Variants in AKAP13 observed in about 807,000 individuals in gnomAD.
AKAP13 encodes A-kinase anchoring protein 13, also known as A-kinase anchor protein 13.
A neutral mutation model predicts 264.5 loss-of-function variants in AKAP13; 80 were observed. The observed-to-expected ratio is 0.30, with a 90% confidence interval of 0.25 to 0.36. The LOEUF is 0.36. Among genes scored for constraint, AKAP13 ranks in the 10% least tolerant of loss-of-function variants. AKAP13 has a pLI of 1.00. For missense variants in AKAP13, 3,712 were observed against 3,435.2 expected, an observed-to-expected ratio of 1.08 and a Z score of -2.01; for synonymous variants, 1,380 against 1,250.2, an observed-to-expected ratio of 1.10 and a Z score of -2.19.
chr15:85,738,876 G>A (rs2088749623), intron 33 of AKAP13, among the ~76,000 whole-genome samples: 1 of 149,674 alleles, frequency 6.7e-6, no homozygotes, highest in Non-Finnish European at 1.5e-5. Flanking sequence ...AAAGTTTGGT[G>A]TTTATATTTC....
intron 14 of AKAP13, among the ~76,000 whole-genome samples, chr15:85,672,570 G>A (rs1280350911): frequency 1.3e-5 from 2 of 152,130 alleles, no homozygotes; most frequent in Non-Finnish European, 2.9e-5. Context: ...CTCCCTAACT[G>A]AAATAGTGTC....
chr15:85,393,170 A>G (rs1021816273), intron 1 of AKAP13, among the ~76,000 whole-genome samples: 2 of 152,220 alleles, frequency 1.3e-5, no homozygotes, highest in East Asian at 3.8e-4. Flanking sequence ...TTTACCTTTA[A>G]CAAGCTGGAA....
chr15:85,464,200 C>T (rs1435496097), intron 1 of AKAP13, among the ~76,000 whole-genome samples: 1 of 152,146 alleles, frequency 6.6e-6, no homozygotes, highest in African/African-American at 2.4e-5. Context: ...ACTGAAATAT[C>T]TCCCTTCCCT....
At chr15:85,634,840 CT>C (rs34893286) in intron 8 of AKAP13, among the ~76,000 whole-genome samples, 20,874 of 142,666 alleles carry the variant, frequency 0.15, 2,388 homozygotes, top group East Asian at 0.36. Flanking sequence ...TTGAGTCTGG[CT>C]TTTTTTTTTT....
At chr15:85,734,248 C>A (rs2088271791) in intron 30 of AKAP13, among the ~76,000 whole-genome samples, 1 of 152,210 alleles carries the variant, frequency 6.6e-6, no homozygotes, top group African/African-American at 2.4e-5. Context: ...CCATCACTCC[C>A]TGTTCTTAAC....
chr15:85,501,061 G>A (rs56725751), intron 2 of AKAP13, among the ~76,000 whole-genome samples: 24,250 of 152,056 alleles, frequency 0.16, 3,008 homozygotes, highest in African/African-American at 0.33. Context: ...GTCATCTTCC[G>A]GAATTTGTTA....
intron 5 of AKAP13, among the ~76,000 whole-genome samples, chr15:85,569,402 T>A (rs994943170): frequency 6.6e-6 from 1 of 151,534 alleles, no homozygotes; most frequent in Admixed American, 6.6e-5. Context: ...GGATGGCAAA[T>A]AAGAATACAT....
chr15:85,708,225 C>CT lies in AKAP13; in HGVS notation c.5532+140dup. 2.8e-6 allele frequency: 2 copies of CT among 710,866 alleles called. No individual in the cohort carries two copies. Among genetic ancestry groups the CT allele is most frequent in the Non-Finnish European group, 2.2e-6 (1 of 448,106 alleles). 44.0% of individuals were successfully genotyped at this position (710,866 alleles called of 1,614,324 possible). A position where few individuals can be genotyped will look rare whatever the true frequency, so the allele number is the denominator to read the frequency against. The stretch of plus-strand genomic sequence containing the variant: ...TACCAACTTTGAGAACAAATTATAA[C>CT]TAAAAAATATTTTTTCTCTTAAGCG... On this transcript the variant is annotated intron_variant, in intron 18 of 36. Coordinates refer to ENST00000394518, the MANE Select transcript of AKAP13 (RefSeq NM_007200.5). This position sits in a 1 kb window ranked among gnomAD's most constrained non-coding sequence, Gnocchi z 4.3.
intron 10 of AKAP13, chr15:85,651,491 T>C (rs1241889175): frequency 3.3e-5 from 5 of 152,202 alleles, no homozygotes; most frequent in African/African-American, 1.2e-4. Flanking sequence ...TGTACAATCT[T>C]GAGGGTACCA....
At chr15:85,686,169 G>A (rs12913771) in intron 16 of AKAP13, among the ~76,000 whole-genome samples, 3 of 119,742 alleles carry the variant, frequency 2.5e-5, no homozygotes, top group Middle Eastern at 7.9e-3. Context: ...GTGTGTGTAT[G>A]TGTGTGTGTG....
chr15:85,683,747 G>A (rs538749318), intron 15 of AKAP13: 5 of 152,284 alleles, frequency 3.3e-5, no homozygotes, highest in Middle Eastern at 3.1e-3. Context: ...GGGATTACAG[G>A]TGTGAGCACC....
intron 6 of AKAP13, among the ~76,000 whole-genome samples, chr15:85,578,163 G>T (rs944366195): frequency 3.3e-5 from 5 of 152,112 alleles, no homozygotes; most frequent in African/African-American, 1.2e-4. Flanking sequence ...CACACCTGTA[G>T]TCCTAGCTAC....
intron 13 of AKAP13, among the ~76,000 whole-genome samples, chr15:85,668,812 G>C (rs1007675773): frequency 1.3e-5 from 2 of 152,038 alleles, no homozygotes; most frequent in African/African-American, 4.8e-5. Flanking sequence ...GCGTGGTGGT[G>C]CACCCCTGTA....
At chr15:85,510,119 G>A (rs1324620097) in intron 2 of AKAP13, among the ~76,000 whole-genome samples, 1 of 152,190 alleles carries the variant, frequency 6.6e-6, no homozygotes, top group South Asian at 2.1e-4. Context: ...TGATACAGCT[G>A]CAATTGTTAC....
chr15:85,696,705 A>T (rs1425230712), intron 17 of AKAP13, among the ~76,000 whole-genome samples: 1 of 152,236 alleles, frequency 6.6e-6, no homozygotes, highest in Non-Finnish European at 1.5e-5. Context: ...AATGCTAAAT[A>T]AAATCTATTT....
At chr15:85,561,621 G>A (rs951901106) in intron 5 of AKAP13, among the ~76,000 whole-genome samples, 4 of 152,016 alleles carry the variant, frequency 2.6e-5, no homozygotes, top group Admixed American at 6.5e-5. Context: ...ATTAGATATC[G>A]ATGCATCTAT....
At chr15:85,655,366 A>G in intron 10 of AKAP13, 51 bp from the exon 11 acceptor site, 1 of 1,569,496 alleles carries the variant, frequency 6.4e-7, no homozygotes, top group Admixed American at 1.7e-5. Context: ...AACTGAGGCT[A>G]TCTGATTGGC....
At chr15:85,409,431 G>A (rs1408441820) in intron 1 of AKAP13, among the ~76,000 whole-genome samples, 2 of 151,698 alleles carry the variant, frequency 1.3e-5, no homozygotes, top group East Asian at 3.9e-4. Context: ...GCCTGCCTCG[G>A]CCTCCCAAAG....
intron 1 of AKAP13, among the ~76,000 whole-genome samples, chr15:85,427,805 A>C (rs2072863624): frequency 6.6e-6 from 1 of 152,232 alleles, no homozygotes; most frequent in African/African-American, 2.4e-5. Flanking sequence ...GTTAGTCATA[A>C]GTGACATGGC....
Sources: gnomAD v4.1 joint callset for allele counts (sites outside exome capture counted in the v4.1 genomes callset) on GRCh38, gnomAD v4.1.1 for gene constraint, Gnocchi (gnomAD v3.1) non-coding constraint, MANE v1.5 for transcripts, NCBI Gene and HGNC (gene_info 2026-07-23, HGNC 2026-07-21) for gene names.